The following BRCA2 variants were observed in gnomAD, a reference collection of about 807,000 sequenced individuals.
BRCA2 encodes the protein breast cancer type 2 susceptibility protein.
Under a neutral mutation model 276.7 loss-of-function variants are expected in BRCA2, and 203 were observed. The observed-to-expected ratio is 0.73, with a 90% CI of 0.65 to 0.82. The LOEUF (loss-of-function observed/expected upper bound fraction) is 0.82, where lower values mean the gene tolerates loss of function less well. BRCA2 is among the 40% of genes least tolerant of loss of function. BRCA2 has a pLI of 0.00. For missense variants in BRCA2, 3,920 were observed against 3,915.0 expected (o/e 1.00, Z -0.03); for synonymous variants, 1,289 against 1,338.4 (o/e 0.96, Z 0.81).
At position 32,316,483 on chromosome 13, in the gene BRCA2, G is replaced by A. The variant is rs2072261141; in HGVS notation, c.23G>A (p.Arg8Lys). Residue 8 changes from arginine (R) to lysine (K), a missense_variant, in exon 2 of 27, where the codon AGG becomes AAG. Coordinates refer to ENST00000380152, the MANE Select transcript of BRCA2 (RefSeq NM_000059.4). MPIGSKE[R>K]PTFFEIFKTR... ...AAAATGCCTATTGGATCCAAAGAGA[G>A]GCCAACATTTTTTGAAATTTTTAAG... 1 of 1,613,990 alleles carries A rather than the reference G, an allele frequency of 6.2e-7. No individual in the cohort carries two copies. Among genetic ancestry groups the A allele is most frequent in the Non-Finnish European group, 8.5e-7 (1 of 1,179,934 alleles).
At chr13:32,388,897 A>G (rs1380411655) in intron 24 of BRCA2, among the ~76,000 whole-genome samples, 2 of 152,202 alleles carry the variant, frequency 1.3e-5, no homozygotes, top group African/African-American at 4.8e-5. Context: ...ACTTACAATG[A>G]AGGTAATTAT....
chr13:32,355,339 T>C (rs1208650924), intron 14 of BRCA2, 51 bp downstream of exon 14: 2 of 1,594,188 alleles, frequency 1.3e-6, no homozygotes, highest in East Asian at 2.2e-5. Flanking sequence ...GTTAGATATT[T>C]CCGTTGTTAA....
intron 20 of BRCA2, among the ~76,000 whole-genome samples, chr13:32,373,756 G>A (rs927466980): frequency 6.6e-6 from 1 of 152,192 alleles, no homozygotes; most frequent in Non-Finnish European, 1.5e-5. Flanking sequence ...GTCAGTGGGG[G>A]ATGATGGCCC....
At chr13:32,333,486 T>C in intron 10 of BRCA2, 99 bp downstream of exon 10, 2 of 1,304,486 alleles carry the variant, frequency 1.5e-6, no homozygotes, top group Non-Finnish European at 2.1e-6. Flanking sequence ...TCATATCTTA[T>C]ATTTAATCTT....
chr13:32,328,636 A>C (rs1357962193), intron 7 of BRCA2, among the ~76,000 whole-genome samples: 1 of 152,196 alleles, frequency 6.6e-6, no homozygotes, highest in Non-Finnish European at 1.5e-5. Context: ...TGAGTACATC[A>C]CATGTAGTTA....
chr13:32,335,562 T>C (rs1461184023), intron 10 of BRCA2, among the ~76,000 whole-genome samples: 6 of 152,048 alleles, frequency 3.9e-5, no homozygotes, highest in African/African-American at 7.3e-5. Context: ...ATTAAGAAAA[T>C]TGTTACTTTT....
intron 16 of BRCA2, among the ~76,000 whole-genome samples, chr13:32,361,337 A>G (rs1323690527): frequency 1.3e-5 from 2 of 152,214 alleles, no homozygotes; most frequent in Non-Finnish European, 2.9e-5. Flanking sequence ...TACTAATGTT[A>G]TTAAAAATAG....
In BRCA2 at chr13:32,338,004, A is replaced by T. The variant is rs1410046826; in HGVS notation, c.3649A>T (p.Arg1217Trp). 1 of 1,613,282 alleles carries T rather than the reference A, an allele frequency of 6.2e-7. No individual in the cohort carries two copies. Among genetic ancestry groups the T allele is most frequent in the Non-Finnish European group, 8.5e-7 (1 of 1,179,496 alleles). The stretch of plus-strand genomic sequence containing the variant: ...AACAGATGAAAATGAAGTGGGGTTT[A>T]GGGGCTTTTATTCTGCTCATGGCAC... ...YLTDENEVGF[R>W]GFYSAHGTKL... Residue 1217 changes from arginine (R) to tryptophan (W), a missense_variant, in exon 11 of 27, where the codon AGG (arginine) becomes TGG (tryptophan). By Grantham distance (101) the Arg-to-Trp change is moderately radical (BLOSUM62 -3). Coordinates refer to ENST00000380152, the MANE Select transcript of BRCA2 (RefSeq NM_000059.4).
rs140816099 is a variant in BRCA2, at chr13:32,369,488, G to A, written c.8332-914G>A. ...ACAAGTTTGGTGGCTGAATAACCTT[G>A]GGCAAGTTGTGTAGTTTCTCATATA... On this transcript the variant is annotated intron_variant, in intron 18 of 26. Transcript: ENST00000380152. Among the ~76,000 whole-genome samples the A allele has an allele frequency of 3.9e-5, 6 of 152,232 alleles. No homozygotes were observed. In the East Asian group the frequency reaches 1.2e-3, roughly 29 times the overall value.
At chr13:32,387,846 A>G (rs2072970848) in intron 24 of BRCA2, among the ~76,000 whole-genome samples, 1 of 152,136 alleles carries the variant, frequency 6.6e-6, no homozygotes, top group African/African-American at 2.4e-5. Context: ...AGGGCCCCCT[A>G]TCCTGTAATC....
intron 8 of BRCA2, among the ~76,000 whole-genome samples, chr13:32,329,973 A>G (rs1233774140): frequency 6.6e-6 from 1 of 152,188 alleles, no homozygotes; most frequent in Non-Finnish European, 1.5e-5. Context: ...CTCTGTCTCA[A>G]AATATCTTAT....
intron 10 of BRCA2, 121 bp from the exon 11 acceptor site, chr13:32,336,144 G>C: frequency 8.9e-7 from 1 of 1,127,638 alleles, no homozygotes; most frequent in East Asian, 2.6e-5. Flanking sequence ...CCTCCCAAAA[G>C]TGCTGAGATT....
rs1219194595 is a variant in BRCA2, at chr13:32,379,909, T to G, written c.9113T>G (p.Leu3038Arg). ...ACAAAAAAAACTCAGTATCAACAACTACCGGTACAAACCTTTCATTGTAAT... is the reference window on the plus strand; with the variant it reads ...ACAAAAAAAACTCAGTATCAACAACGACCGGTACAAACCTTTCATTGTAAT... ...AATKKTQYQQ[L>R]PVSDEILFQI... The change falls in exon 23 of 27, where the codon CTA becomes CGA. Residue 3038 changes from leucine to arginine, a missense_variant. By Grantham distance (102) the Leu-to-Arg change is moderately radical. This residue lies in a region of BRCA2 where 657 missense variants were observed against 758.2 expected (regional missense o/e 0.87). Coordinates refer to ENST00000380152, the MANE Select transcript of BRCA2 (RefSeq NM_000059.4). The G allele has an allele frequency of 4.3e-6, 7 of 1,613,448 alleles. No individual in the cohort carries two copies. In the South Asian group the frequency reaches 6.6e-5, roughly 15 times the overall value.
In BRCA2 at chr13:32,400,075, T is replaced by C. The variant is rs979428060; in HGVS notation, c.*1305T>C. ...TGCTGGGATTATAGGCGTGAGCCACTGTGCCCGGCCAATATTTGTTACTTT... is the reference window on the plus strand; with the variant it reads ...TGCTGGGATTATAGGCGTGAGCCACCGTGCCCGGCCAATATTTGTTACTTT... On this transcript the variant is annotated 3_prime_UTR_variant, in exon 27 of 27. Coordinates refer to ENST00000380152, the MANE Select transcript of BRCA2 (RefSeq NM_000059.4). 1 of 152,190 alleles carries C rather than the reference T, an allele frequency of 6.6e-6. No individual in the cohort carries two copies. Among genetic ancestry groups the C allele is most frequent in the Non-Finnish European group, 1.5e-5 (1 of 68,038 alleles). The allele number at this position is 152,190 out of a possible 1,614,324, so 9.4% of individuals were successfully genotyped here.
chr13:32,340,378 A>AG lies in BRCA2; in HGVS notation c.6024dup (p.Gln2009AlafsTer9), dbSNP rs80359554. 6.2e-7 allele frequency: 1 copy of AG among 1,613,962 alleles called. No individual in the cohort carries two copies. Among genetic ancestry groups the AG allele is most frequent in the Admixed American group, 1.7e-5 (1 of 60,032 alleles). On this transcript the variant is annotated frameshift_variant, in exon 11 of 27. Transcript: ENST00000380152. LOFTEE classifies it high-confidence loss of function. ...TTTTCTGAAATAGAAGATAGTACCA[A>AG]GCAAGTCTTTTCCAAAGTATTGTTT...
chr13:32,350,808 A>G (rs1479584789), intron 13 of BRCA2, among the ~76,000 whole-genome samples: 1 of 152,166 alleles, frequency 6.6e-6, no homozygotes, highest in Non-Finnish European at 1.5e-5. Context: ...TATTAATACT[A>G]CATATACTTT....
intron 8 of BRCA2, 92 bp downstream of exon 8, chr13:32,329,584 A>G: frequency 9.5e-7 from 1 of 1,047,474 alleles, no homozygotes; most frequent in Non-Finnish European, 1.4e-6. Flanking sequence ...TTAATTTCCT[A>G]ATCTGTAATT....
chr13:32,379,327 G>A lies in BRCA2; in HGVS notation c.8765G>A (p.Ser2922Asn), dbSNP rs730881567. 8 of 1,613,684 alleles carry A rather than the reference G, an allele frequency of 5.0e-6. No individual in the cohort carries two copies. Among genetic ancestry groups the A allele is most frequent in the Non-Finnish European group, 6.8e-6 (8 of 1,179,790 alleles). ...CTTAAATGGTCACAGGGTTATTTCAGTGAAGAGCAGTTAAGAGCCTTGAAT... is the reference window on the plus strand; with the variant it reads ...CTTAAATGGTCACAGGGTTATTTCAATGAAGAGCAGTTAAGAGCCTTGAAT... ...ADPAYLEGYFSEEQLRALNNH... is the reference protein window; with the variant it reads ...ADPAYLEGYFNEEQLRALNNH... The change falls in exon 22 of 27, where the codon AGT (serine) becomes AAT (asparagine). Residue 2922 changes from serine to asparagine, a missense_variant. Transcript: ENST00000380152.
At position 32,333,768 on chromosome 13, in the gene BRCA2, C is replaced by A. The variant is rs180818019; in HGVS notation, c.1909+381C>A. 6.6e-5 allele frequency among the ~76,000 whole-genome samples: 10 copies of A among 152,248 alleles called. No homozygotes were observed. In the East Asian group the frequency reaches 1.4e-3, roughly 21 times the overall value. On this transcript the variant is annotated intron_variant, in intron 10 of 26. Coordinates refer to ENST00000380152, the MANE Select transcript of BRCA2 (RefSeq NM_000059.4). Reference sequence around the variant, plus strand: ...TTTTTCCTGGTGCTCTCCTTCCCCCCACACACCCCCACCTCCTGACAGACC... The same window carrying A: ...TTTTTCCTGGTGCTCTCCTTCCCCCAACACACCCCCACCTCCTGACAGACC...
Sources: allele counts gnomAD v4.1 joint callset (sites outside exome capture counted in the v4.1 genomes callset), GRCh38; gene constraint gnomAD v4.1.1; regional missense constraint gnomAD v4.1.1; transcripts MANE v1.5; gene names NCBI Gene and HGNC (gene_info 2026-07-23, HGNC 2026-07-21).